Variants in CFAP221 observed in about 807,000 individuals in gnomAD.
CFAP221 encodes cilia and flagella associated protein 221, also known as cilia- and flagella-associated protein 221.
In CFAP221, 97 loss-of-function variants were observed where a neutral mutation model predicts 113.1. The observed-to-expected ratio is 0.86, with a 90% CI of 0.73 to 1.02. The LOEUF (loss-of-function observed/expected upper bound fraction) is 1.02. Ranked by LOEUF, CFAP221 falls within the 50% of genes least tolerant of loss-of-function variation. CFAP221 has a pLI of 0.00. For synonymous variants in CFAP221, 331 were observed against 354.4 expected (o/e 0.93, Z 0.74); for missense variants, 1,025 against 1,013.4 (o/e 1.01, Z -0.16).
intron 14 of CFAP221, among the ~76,000 whole-genome samples, chr2:119,619,311 G>T (rs1039690792): frequency 3.9e-5 from 6 of 152,256 alleles, no homozygotes; most frequent in Non-Finnish European, 5.9e-5. Flanking sequence ...CCCAGCAGGG[G>T]TCTACAAATA....
intron 14 of CFAP221, among the ~76,000 whole-genome samples, chr2:119,620,329 G>A (rs993522075): frequency 2.6e-5 from 4 of 152,080 alleles, no homozygotes; most frequent in Non-Finnish European, 4.4e-5. Context: ...AAATGTTAAG[G>A]GTAGCCAGAG....
intron 22 of CFAP221, among the ~76,000 whole-genome samples, chr2:119,649,834 G>A (rs1050980594): frequency 3.3e-5 from 5 of 152,194 alleles, no homozygotes; most frequent in African/African-American, 9.6e-5. Context: ...GAAAGAGGGG[G>A]AAGAGCTGGG....
intron 2 of CFAP221, among the ~76,000 whole-genome samples, chr2:119,548,610 A>C (rs1680208247): frequency 6.6e-6 from 1 of 152,240 alleles, no homozygotes; most frequent in Admixed American, 6.5e-5. Context: ...ATATTACTCT[A>C]CATCACATTG....
Position 119,630,876 on chromosome 2 carries a change from T to C in CFAP221, c.1949T>C (p.Leu650Pro). 1 of 1,613,774 alleles carries C rather than the reference T, an allele frequency of 6.2e-7. No individual in the cohort carries two copies. The highest frequency in any genetic ancestry group is 8.5e-7 in the Non-Finnish European group (1 of 1,179,606). Residue 650 changes from leucine (L) to proline (P), a missense_variant, in exon 19 of 24, where the codon CTA (leucine) becomes CCA (proline). Transcript: ENST00000413369. Reference protein sequence around the residue: ...MKPPEALAMSLDYDPLYVFNP... With the variant: ...MKPPEALAMSPDYDPLYVFNP... ...CCACCTGAGGCCTTAGCCATGTCTC[T>C]AGATTATGATCCTCTGTATGTTTTT...
chr2:119,550,144 A>G (rs1680318154), intron 3 of CFAP221, among the ~76,000 whole-genome samples: 1 of 151,176 alleles, frequency 6.6e-6, no homozygotes, highest in Admixed American at 6.6e-5. Context: ...GCCCTCTGAG[A>G]CTCTGCCTTT....
intron 3 of CFAP221, among the ~76,000 whole-genome samples, chr2:119,554,939 T>A (rs1196910193): frequency 6.6e-6 from 1 of 152,162 alleles, no homozygotes. Context: ...AAGGTTGTGT[T>A]TGAAGGGTCG....
At chr2:119,635,343 G>A (rs1327395465) in intron 19 of CFAP221, among the ~76,000 whole-genome samples, 2 of 152,184 alleles carry the variant, frequency 1.3e-5, no homozygotes, top group Non-Finnish European at 2.9e-5. Context: ...CATTAAACTT[G>A]TGCAAGAATA....
chr2:119,651,175 C>G (rs951850194), intron 22 of CFAP221, among the ~76,000 whole-genome samples: 1 of 152,214 alleles, frequency 6.6e-6, no homozygotes, highest in Non-Finnish European at 1.5e-5. Flanking sequence ...CACACCATCC[C>G]TCCCTGCTTT....
Position 119,557,770 on chromosome 2 carries a change from G to C in CFAP221, c.241-1919G>C, listed in dbSNP as rs557269433. Among the ~76,000 whole-genome samples, 13 of 152,226 alleles carry C rather than the reference G, an allele frequency of 8.5e-5. No homozygotes were observed. The South Asian group carries it at 2.3e-3, about 27-fold the overall frequency. ...AATCCCAGCACTTTGGGAGTCCGAG[G>C]TGGGTGGATCATGAGGTCAGGAGTT... On this transcript the variant is annotated intron_variant, in intron 3 of 23. Transcript: ENST00000413369.
chr2:119,627,100 A>G (rs1486889443), intron 15 of CFAP221, among the ~76,000 whole-genome samples: 1 of 151,886 alleles, frequency 6.6e-6, no homozygotes, highest in Non-Finnish European at 1.5e-5. Flanking sequence ...GCAGGCCCTA[A>G]TCTTTCCAGA....
chr2:119,596,143 G>T (rs1476407156), intron 7 of CFAP221, among the ~76,000 whole-genome samples: 2 of 152,154 alleles, frequency 1.3e-5, no homozygotes, highest in Non-Finnish European at 2.9e-5. Context: ...AGTCTCTTTG[G>T]CTCCTGAGGG....
rs1205295394 is a variant in CFAP221 at position 119,565,544 on chromosome 2, C to CT, written c.527+3431dup. Among the ~76,000 whole-genome samples, 8 of 152,256 alleles carry CT rather than the reference C, an allele frequency of 5.3e-5. No individual in the cohort carries two copies. The East Asian group carries it at 1.3e-3, about 26-fold the overall frequency. On this transcript the variant is annotated intron_variant, in intron 6 of 23. Coordinates refer to ENST00000413369, the MANE Select transcript of CFAP221 (RefSeq NM_001271049.2). Reference sequence around the variant, plus strand: ...TTAATACAAAAATGTACCAACCTCCCTAGAGGCTGTTCCCAAGCTACTTTG... The same window carrying CT: ...TTAATACAAAAATGTACCAACCTCCCTTAGAGGCTGTTCCCAAGCTACTTTG...
At chr2:119,550,495 A>G (rs1680342694) in intron 3 of CFAP221, among the ~76,000 whole-genome samples, 1 of 152,108 alleles carries the variant, frequency 6.6e-6, no homozygotes, top group Non-Finnish European at 1.5e-5. Context: ...CTTATTAGGA[A>G]CTTCACCCAT....
chr2:119,646,846 A>C, intron 21 of CFAP221, 112 bp from the exon 22 acceptor site: 1 of 883,168 alleles, frequency 1.1e-6, no homozygotes, highest in East Asian at 2.7e-5. Flanking sequence ...GGGAGGACAG[A>C]GTAGTAGAGG....
intron 19 of CFAP221, among the ~76,000 whole-genome samples, chr2:119,633,065 T>C (rs766475161): frequency 2.2e-4 from 33 of 152,082 alleles, no homozygotes; most frequent in Non-Finnish European, 4.1e-4. Context: ...TCATACATTA[T>C]GGTCAACTGA....
At chr2:119,560,139 C>G (rs961003773) in intron 5 of CFAP221, 113 bp downstream of exon 5, 1 of 845,250 alleles carries the variant, frequency 1.2e-6, no homozygotes, top group South Asian at 1.7e-5. Flanking sequence ...GCTTTCTTGG[C>G]CCAGTACCGG....
intron 3 of CFAP221, among the ~76,000 whole-genome samples, chr2:119,552,268 TTAC>T (rs1237094070): frequency 1.3e-5 from 2 of 149,128 alleles, no homozygotes; most frequent in Non-Finnish European, 3.0e-5. Flanking sequence ...ATTGTACACT[TTAC>T]TATTTATTTA....
intron 6 of CFAP221, among the ~76,000 whole-genome samples, chr2:119,568,239 C>T (rs1350285347): frequency 1.3e-5 from 2 of 152,142 alleles, no homozygotes; most frequent in Non-Finnish European, 2.9e-5. Flanking sequence ...CCTGAACAAA[C>T]TGTTAGCTGT....
chr2:119,569,165 G>A (rs537186488), intron 6 of CFAP221, among the ~76,000 whole-genome samples: 16 of 151,094 alleles, frequency 1.1e-4, no homozygotes, highest in Admixed American at 3.3e-4. Context: ...ATGGAGTCTC[G>A]CTCTGTCACC....
Sources: gnomAD v4.1 joint callset for allele counts (sites outside exome capture counted in the v4.1 genomes callset) on GRCh38, gnomAD v4.1.1 for gene constraint, MANE v1.5 for transcripts, NCBI Gene and HGNC (gene_info 2026-07-23, HGNC 2026-07-21) for gene names.